KIFC3: variants seen among roughly 807,000 people sequenced by gnomAD.
The protein encoded by KIFC3 is kinesin family member C3.
In KIFC3, 60 loss-of-function variants were observed where a neutral mutation model predicts 101.8. That is an observed-to-expected ratio of 0.59 (90% CI 0.48 to 0.73). The LOEUF (loss-of-function observed/expected upper bound fraction) is 0.73, where lower values mean the gene tolerates loss of function less well. KIFC3 is among the 30% of genes least tolerant of loss of function. KIFC3 has a pLI of 0.00. For synonymous variants in KIFC3, 476 were observed against 482.7 expected (o/e 0.99, Z 0.18); for missense variants, 966 against 1,137.1 (o/e 0.85, Z 2.16).
chr16:57,861,158 T>A (rs247067), intron 1 of KIFC3, among the ~76,000 whole-genome samples: 1 of 152,174 alleles, frequency 6.6e-6, no homozygotes, highest in Non-Finnish European at 1.5e-5. Context: ...AGAATTTATA[T>A]GTGTACTATT....
intron 1 of KIFC3, among the ~76,000 whole-genome samples, chr16:57,822,386 A>G (rs1555630035): frequency 6.6e-6 from 1 of 152,206 alleles, no homozygotes; most frequent in Non-Finnish European, 1.5e-5. Context: ...ATTCTACAAA[A>G]TAACTGGCCT....
intron 3 of KIFC3, among the ~76,000 whole-genome samples, chr16:57,787,532 G>A (rs2053457423): frequency 1.3e-5 from 2 of 152,250 alleles, no homozygotes; most frequent in South Asian, 4.1e-4. Context: ...GGAGGCCCCA[G>A]AAAGGGGAGG....
intron 12 of KIFC3, 61 bp from the exon 13 acceptor site, chr16:57,762,331 G>A: frequency 7.0e-7 from 1 of 1,423,158 alleles, no homozygotes; most frequent in Non-Finnish European, 9.3e-7. Flanking sequence ...CTCGTGTGGT[G>A]TCTGTCCCCA....
At chr16:57,851,637 A>T (rs2056061853) in intron 1 of KIFC3, among the ~76,000 whole-genome samples, 1 of 148,658 alleles carries the variant, frequency 6.7e-6, no homozygotes, top group Non-Finnish European at 1.5e-5. Flanking sequence ...CACAATCCCG[A>T]CTCACTGCAA....
At chr16:57,851,105 G>A (rs2056048718) in intron 1 of KIFC3, among the ~76,000 whole-genome samples, 1 of 151,918 alleles carries the variant, frequency 6.6e-6, no homozygotes, top group Non-Finnish European at 1.5e-5. Flanking sequence ...CAAGCTCCTA[G>A]GCTCCAGGCA....
At chr16:57,847,294 C>T (rs1362240965) in intron 1 of KIFC3, among the ~76,000 whole-genome samples, 4 of 6,446 alleles carry the variant, frequency 6.2e-4, no homozygotes, top group Admixed American at 1.9e-3. Context: ...GGAGAGAGGG[C>T]GGGGAGGGAG....
At chr16:57,787,975 A>G (rs2053502785) in intron 3 of KIFC3, among the ~76,000 whole-genome samples, 1 of 152,144 alleles carries the variant, frequency 6.6e-6, no homozygotes, top group Non-Finnish European at 1.5e-5. Context: ...CTGCTTCCCC[A>G]TTATCACCAG....
At chr16:57,843,727 T>C (rs2055856868) in intron 1 of KIFC3, among the ~76,000 whole-genome samples, 2 of 151,946 alleles carry the variant, frequency 1.3e-5, no homozygotes, top group South Asian at 2.1e-4. Context: ...TCTGAGGGTA[T>C]AGAAAATACT....
In KIFC3 at chr16:57,831,975, G is replaced by T. The variant is rs570861861; in HGVS notation, c.108+30754C>A. Among the ~76,000 whole-genome samples the T allele has an allele frequency of 2.6e-5, 4 of 152,230 alleles. No individual in the cohort carries two copies. The South Asian group carries it at 8.3e-4, about 32-fold the overall frequency. ...CAAAATGAATTAAACATAAACATTT[G>T]TGGCAGGATAATTTATTGCAAGGTG... On this transcript the variant is annotated intron_variant, in intron 1 of 2. Coordinates refer to the KIFC3 transcript ENST00000563028.
At chr16:57,790,678 T>G (rs2053798477) in intron 3 of KIFC3, among the ~76,000 whole-genome samples, 1 of 152,166 alleles carries the variant, frequency 6.6e-6, no homozygotes, top group Admixed American at 6.5e-5. Context: ...TGAGCTTGTG[T>G]GAAGAGTAAC....
intron 1 of KIFC3, among the ~76,000 whole-genome samples, chr16:57,840,293 G>A (rs552969461): frequency 2.0e-5 from 3 of 151,718 alleles, no homozygotes; most frequent in African/African-American, 2.4e-5. Flanking sequence ...AGCTGAGATC[G>A]AGCCACTGAA....
At chr16:57,783,218 C>T (rs1270855549) in intron 3 of KIFC3, among the ~76,000 whole-genome samples, 4 of 152,204 alleles carry the variant, frequency 2.6e-5, no homozygotes, top group African/African-American at 9.7e-5. Context: ...GATTTCACTT[C>T]TATGAAATGT....
At chr16:57,772,124 G>A (rs1808634396) in intron 4 of KIFC3, 99 bp downstream of exon 4, 1 of 1,005,670 alleles carries the variant, frequency 9.9e-7, no homozygotes, top group South Asian at 1.5e-5. Context: ...GGATATGCGG[G>A]CTCAGGAGAG....
intron 1 of KIFC3, among the ~76,000 whole-genome samples, chr16:57,857,252 C>G (rs2056189067): frequency 6.6e-6 from 1 of 152,072 alleles, no homozygotes; most frequent in South Asian, 2.1e-4. Context: ...CAGGAATCGC[C>G]ATACCTTAGA....
intron 9 of KIFC3, among the ~76,000 whole-genome samples, chr16:57,767,551 G>A (rs2050629000): frequency 6.6e-6 from 1 of 152,160 alleles, no homozygotes; most frequent in African/African-American, 2.4e-5. Context: ...CTTAGTAACC[G>A]TGGAGGATAC....
Position 57,802,292 on chromosome 16 carries a change from G to T in KIFC3, c.-40+78C>A. 1.3e-6 allele frequency: 1 copy of T among 783,474 alleles called. No homozygotes were observed. The highest frequency in any genetic ancestry group is 1.5e-6 in the Non-Finnish European group (1 of 645,430). The allele number at this position is 783,474 out of a possible 1,614,324, so 48.5% of individuals were successfully genotyped here. A position where few individuals can be genotyped will look rare whatever the true frequency, so the allele number is the denominator to read the frequency against. On this transcript the variant is annotated intron_variant, in intron 1 of 19. Coordinates refer to ENST00000445690, the MANE Select transcript of KIFC3 (RefSeq NM_001130100.2). The surrounding 1 kb of genome is among the most constrained non-coding windows in gnomAD (Gnocchi z 5.0). ...GGGTCCCGAGGGCAGGGCCGGCCCGGACGCGGCGCCCCAAACGGCGGGCCG... is the reference window on the plus strand; with the variant it reads ...GGGTCCCGAGGGCAGGGCCGGCCCGTACGCGGCGCCCCAAACGGCGGGCCG...
chr16:57,855,699 C>T (rs1312881782), intron 1 of KIFC3, among the ~76,000 whole-genome samples: 2 of 151,618 alleles, frequency 1.3e-5, no homozygotes, highest in African/African-American at 4.8e-5. Context: ...TAATCTCAGC[C>T]CTGTGGGAGA....
rs189293500 is a variant in KIFC3 at position 57,861,720 on chromosome 16, G to A, written c.108+1009C>T. Among the ~76,000 whole-genome samples, 338 of 152,280 alleles carry A rather than the reference G, an allele frequency of 2.2e-3. 1 individual carries two copies. The highest frequency in any genetic ancestry group is 7.8e-3 in the African/African-American group (325 of 41,560). The stretch of plus-strand genomic sequence containing the variant: ...CACCTGTAATCCCAGCATTTTGGGA[G>A]GCCAAGGCTGGTGGATCACTTGAGG... On this transcript the variant is annotated intron_variant, in intron 1 of 2. Transcript: ENST00000563028.
intron 1 of KIFC3, among the ~76,000 whole-genome samples, chr16:57,848,734 A>C (rs1410302878): frequency 6.6e-6 from 1 of 152,236 alleles, no homozygotes; most frequent in Admixed American, 6.5e-5. Context: ...ATGGCTACAC[A>C]GGGTTTTTAA....
Sources: gnomAD v4.1 joint callset for allele counts (sites outside exome capture counted in the v4.1 genomes callset) on GRCh38, gnomAD v4.1.1 for gene constraint, Gnocchi (gnomAD v3.1) non-coding constraint, MANE v1.5 for transcripts, NCBI Gene and HGNC (gene_info 2026-07-23, HGNC 2026-07-21) for gene names.